Variants in SORL1 observed in about 807,000 individuals in gnomAD.
The protein encoded by SORL1 is sortilin-related receptor.
A neutral mutation model predicts 273.7 loss-of-function variants in SORL1; 127 were observed. That is an observed-to-expected ratio of 0.46 (90% CI 0.40 to 0.54). The LOEUF is 0.54. Among genes scored for constraint, SORL1 ranks in the 20% least tolerant of loss-of-function variants. SORL1 has a pLI of 0.00. For missense variants in SORL1, 2,494 were observed against 2,846.1 expected, an observed-to-expected ratio of 0.88 and a Z score of 2.81; for synonymous variants, 1,031 against 1,067.4, an observed-to-expected ratio of 0.97 and a Z score of 0.66.
At chr11:121,557,442 C>A in intron 19 of SORL1, 37 bp downstream of exon 19, 2 of 1,366,830 alleles carry the variant, frequency 1.5e-6, no homozygotes, top group Non-Finnish European at 2.1e-6. Flanking sequence ...GTCTTGCGTC[C>A]AATGCTACAC....
In SORL1 at chr11:121,558,988, A is replaced by G. The variant is rs574036767; in HGVS notation, c.2910+151A>G. The G allele has an allele frequency of 9.9e-6, 10 of 1,011,414 alleles. No individual in the cohort carries two copies. In the South Asian group the frequency reaches 1.3e-4, roughly 14 times the overall value. The allele number at this position is 1,011,414 out of a possible 1,614,324, so 62.7% of individuals were successfully genotyped here. ...ATTTGAGATAACTTATTTTCAGCCT[A>G]TGGAGGGATGCCAGGCAGAGGCGCC... On this transcript the variant is annotated intron_variant, in intron 20 of 47. Transcript: ENST00000260197.
chr11:121,452,532 G>A lies in SORL1; in HGVS notation c.201G>A (p.Arg67=), dbSNP rs556756459. The A allele has an allele frequency of 5.0e-5, 74 of 1,488,326 alleles. No homozygotes were observed. The highest frequency in any genetic ancestry group is 6.1e-5 in the Non-Finnish European group (69 of 1,124,636). 92.2% of individuals were successfully genotyped at this position (1,488,326 alleles called of 1,614,324 possible). A position where few individuals can be genotyped will look rare whatever the true frequency, so the allele number is the denominator to read the frequency against. Residue 67 remains arginine (R), a synonymous_variant, in exon 1 of 48, where the codon AGG becomes AGA. Coordinates refer to ENST00000260197, the MANE Select transcript of SORL1 (RefSeq NM_003105.6). The surrounding 1 kb of genome is among the most constrained non-coding windows in gnomAD (Gnocchi z 5.3). ...ELRLWARGDA[R]GASRADEKPL... ...GGCTGTGGGCGCGCGGGGATGCCAGGGGGGCGAGCCGCGCGGACGAGAAGC... is the reference window on the plus strand; with the variant it reads ...GGCTGTGGGCGCGCGGGGATGCCAGAGGGGCGAGCCGCGCGGACGAGAAGC...
intron 8 of SORL1, among the ~76,000 whole-genome samples, chr11:121,519,761 C>T (rs1276324197): frequency 2.0e-5 from 3 of 152,138 alleles, no homozygotes; most frequent in Admixed American, 2.0e-4. Flanking sequence ...TAATGTCTTG[C>T]AAGTCTGACT....
Position 121,520,956 on chromosome 11 carries a change from G to A in SORL1, c.1404+107G>A, listed in dbSNP as rs191725225. The A allele has an allele frequency of 8.0e-4, 558 of 695,930 alleles. 6 individuals are homozygous for A. In the African/African-American group the frequency reaches 8.8e-3, roughly 11 times the overall value. The allele number at this position is 695,930 out of a possible 1,614,324, so 43.1% of individuals were successfully genotyped here. A position where few individuals can be genotyped will look rare whatever the true frequency, so the allele number is the denominator to read the frequency against. On this transcript the variant is annotated intron_variant, in intron 9 of 47. Transcript: ENST00000260197. ...TATTGAAAAAATACAAGATCACATG[G>A]TATTCTATTAATATCACATGGAGCA...
At chr11:121,459,659 C>T (rs935740393) in intron 1 of SORL1, among the ~76,000 whole-genome samples, 2 of 152,238 alleles carry the variant, frequency 1.3e-5, no homozygotes, top group East Asian at 1.9e-4. Flanking sequence ...GCACTTGTAT[C>T]GGGCTTTGCT....
At chr11:121,516,513 G>A (rs1308818426) in intron 8 of SORL1, among the ~76,000 whole-genome samples, 2 of 152,066 alleles carry the variant, frequency 1.3e-5, no homozygotes, top group Non-Finnish European at 2.9e-5. Flanking sequence ...GAGGCCTATT[G>A]GATATCCATG....
At chr11:121,581,895 A>T (rs1404540418) in intron 25 of SORL1, among the ~76,000 whole-genome samples, 1 of 152,214 alleles carries the variant, frequency 6.6e-6, no homozygotes, top group Non-Finnish European at 1.5e-5. Context: ...TCGGTGAGGG[A>T]TGTTTTGAAA....
chr11:121,588,633 T>C (rs1863158859), intron 28 of SORL1, among the ~76,000 whole-genome samples: 1 of 152,178 alleles, frequency 6.6e-6, no homozygotes, highest in East Asian at 1.9e-4. Context: ...TCTCCTAAAA[T>C]AGTGCCCTTC....
chr11:121,577,827 AAAAGT>A (rs1862958823), intron 25 of SORL1, among the ~76,000 whole-genome samples: 1 of 152,216 alleles, frequency 6.6e-6, no homozygotes. Flanking sequence ...AGATTTTATT[AAAAGT>A]AAAGATGGAA....
chr11:121,615,023 G>A lies in SORL1; in HGVS notation c.5572G>A (p.Val1858Met). 1 of 1,611,752 alleles carries A rather than the reference G, an allele frequency of 6.2e-7. No individual in the cohort carries two copies. The highest frequency in any genetic ancestry group is 1.1e-5 in the South Asian group (1 of 90,696). The change falls in exon 41 of 48, where the codon GTG becomes ATG. Residue 1858 changes from valine to methionine, a missense_variant. By Grantham distance (21) the Val-to-Met change is conservative. Transcript: ENST00000260197. The part of the protein sequence containing the change: ...LKAKAINQTA[V>M]ECTWTGPRNV... ...GGCCAAAGCCATCAACCAGACTGCA[G>A]TGGAATGTACCTGGACCGGCCCCCG...
At chr11:121,608,007 C>A in intron 37 of SORL1, 97 bp from the exon 38 acceptor site, 2 of 1,118,018 alleles carry the variant, frequency 1.8e-6, no homozygotes, top group Admixed American at 2.1e-5. Flanking sequence ...AGCCTCACTG[C>A]CAAAATCTCA....
chr11:121,542,605 A>G (rs1862363644), intron 12 of SORL1, among the ~76,000 whole-genome samples: 1 of 152,112 alleles, frequency 6.6e-6, no homozygotes, highest in Admixed American at 6.5e-5. Context: ...TTGTCCTGCT[A>G]TTGATGATGT....
intron 25 of SORL1, among the ~76,000 whole-genome samples, chr11:121,580,571 GTGA>G (rs991052358): frequency 7.0e-6 from 1 of 142,220 alleles, no homozygotes; most frequent in South Asian, 2.2e-4. Flanking sequence ...CATTCAAATT[GTGA>G]TGATAGTCAT....
intron 14 of SORL1, among the ~76,000 whole-genome samples, chr11:121,547,486 C>T (rs571470786): frequency 7.6e-4 from 110 of 144,146 alleles, no homozygotes; most frequent in Non-Finnish European, 1.6e-3. Flanking sequence ...GTGTGCCCTC[C>T]TGGGTAAACT....
At chr11:121,484,215 C>G (rs1591559742) in intron 3 of SORL1, among the ~76,000 whole-genome samples, 1 of 152,182 alleles carries the variant, frequency 6.6e-6, no homozygotes, top group Non-Finnish European at 1.5e-5. Flanking sequence ...ATATTCTTGA[C>G]TTTCCCTTTT....
At chr11:121,585,446 G>T in intron 26 of SORL1, among the ~76,000 whole-genome samples, 1 of 150,676 alleles carries the variant, frequency 6.6e-6, no homozygotes, top group East Asian at 2.0e-4. Context: ...TCACGCCGCT[G>T]CACTCCAGGT....
intron 6 of SORL1, among the ~76,000 whole-genome samples, chr11:121,504,121 A>AT (rs1861752962): frequency 6.6e-6 from 1 of 152,000 alleles, no homozygotes; most frequent in Non-Finnish European, 1.5e-5. Flanking sequence ...TTTAGTTAAA[A>AT]TTTTTTTCCT....
chr11:121,468,948 C>T (rs1396898154), intron 1 of SORL1, among the ~76,000 whole-genome samples: 1 of 152,204 alleles, frequency 6.6e-6, no homozygotes, highest in Non-Finnish European at 1.5e-5. Context: ...GAAAAAATGA[C>T]AATGACTCTA....
chr11:121,488,789 A>G (rs1014299348), intron 4 of SORL1, among the ~76,000 whole-genome samples: 4 of 152,218 alleles, frequency 2.6e-5, no homozygotes, highest in African/African-American at 7.2e-5. Context: ...AGTCAAGGAT[A>G]TTAGTTTGGC....
Sources: gnomAD v4.1 joint callset for allele counts (sites outside exome capture counted in the v4.1 genomes callset) on GRCh38, gnomAD v4.1.1 for gene constraint, Gnocchi (gnomAD v3.1) non-coding constraint, MANE v1.5 for transcripts, NCBI Gene and HGNC (gene_info 2026-07-23, HGNC 2026-07-21) for gene names.